ADARB2: variants seen among roughly 807,000 people sequenced by gnomAD.
ADARB2 encodes adenosine deaminase RNA specific B2 (inactive), also known as inactive double-stranded RNA-specific editase B2.
A neutral mutation model predicts 62.2 loss-of-function variants in ADARB2; 25 were observed. The observed-to-expected ratio is 0.40, with a 90% confidence interval of 0.29 to 0.56. The LOEUF (loss-of-function observed/expected upper bound fraction) is 0.56, where lower values mean the gene tolerates loss of function less well. Ranked by LOEUF, ADARB2 falls within the 20% of genes least tolerant of loss-of-function variation. The pLI is 0.43. For missense variants in ADARB2, 1,071 were observed against 1,077.4 expected (o/e 0.99, Z 0.08); for synonymous variants, 572 against 500.8 (o/e 1.14, Z -1.90).
intron 1 of ADARB2, among the ~76,000 whole-genome samples, chr10:1,650,673 G>A (rs569335561): frequency 9.5e-4 from 145 of 152,304 alleles, no homozygotes; most frequent in African/African-American, 3.3e-3. Flanking sequence ...TCCACCGACC[G>A]TCCACGAGGT....
intron 1 of ADARB2, among the ~76,000 whole-genome samples, chr10:1,588,574 G>A (rs1183331405): frequency 1.3e-5 from 2 of 152,258 alleles, no homozygotes; most frequent in African/African-American, 2.4e-5. Context: ...ACCCTTCTGC[G>A]GCTGGAACAT....
chr10:1,630,410 G>A (rs1833828203), intron 1 of ADARB2, among the ~76,000 whole-genome samples: 1 of 152,152 alleles, frequency 6.6e-6, no homozygotes, highest in South Asian at 2.1e-4. Flanking sequence ...CTGGGTACCA[G>A]CCTGTTCTCA....
chr10:1,397,595 A>C (rs1302195169), intron 1 of ADARB2, among the ~76,000 whole-genome samples: 1 of 18,358 alleles, frequency 5.4e-5, no homozygotes, highest in Non-Finnish European at 9.6e-5. Context: ...GGTCACCATC[A>C]GCCTCTCCCC....
At chr10:1,688,599 C>T (rs1453592081) in intron 1 of ADARB2, among the ~76,000 whole-genome samples, 2 of 152,190 alleles carry the variant, frequency 1.3e-5, no homozygotes, top group African/African-American at 4.8e-5. Context: ...CCCTCCCCGC[C>T]CCCCGCCTGG....
intron 4 of ADARB2, among the ~76,000 whole-genome samples, chr10:1,259,254 GC>G (rs1464238816): frequency 6.6e-6 from 1 of 152,126 alleles, no homozygotes; most frequent in Admixed American, 6.5e-5. Context: ...ACAAGCAAGA[GC>G]AAACACATTC....
At chr10:1,233,930 G>T in intron 5 of ADARB2, 85 bp from the exon 6 acceptor site, 47 of 1,068,994 alleles carry the variant, frequency 4.4e-5, no homozygotes, top group Middle Eastern at 2.5e-4. Flanking sequence ...GTCCTGTTTT[G>T]TAGAGTTGTT....
At chr10:1,673,750 C>A (rs1171853156) in intron 1 of ADARB2, among the ~76,000 whole-genome samples, 1 of 152,228 alleles carries the variant, frequency 6.6e-6, no homozygotes, top group African/African-American at 2.4e-5. Flanking sequence ...GCCTTCAGGG[C>A]TGAGGCCGTG....
intron 1 of ADARB2, among the ~76,000 whole-genome samples, chr10:1,419,436 A>G (rs1832834748): frequency 6.6e-6 from 1 of 152,190 alleles, no homozygotes. Context: ...TTACTATCAA[A>G]CACTTTAAAA....
chr10:1,268,086 G>A (rs572686984), intron 4 of ADARB2, among the ~76,000 whole-genome samples: 1 of 152,218 alleles, frequency 6.6e-6, no homozygotes, highest in South Asian at 2.1e-4. Flanking sequence ...AGAAATAAAG[G>A]TTTATCTATA....
At chr10:1,271,203 C>T in intron 3 of ADARB2, 134 bp from the exon 4 acceptor site, 1 of 673,040 alleles carries the variant, frequency 1.5e-6, no homozygotes, top group Non-Finnish European at 2.6e-6. Context: ...CCCCTCCTCA[C>T]AGCCTTGTCA....
intron 3 of ADARB2, among the ~76,000 whole-genome samples, chr10:1,362,443 G>T (rs1832266853): frequency 6.6e-6 from 1 of 152,238 alleles, no homozygotes. Context: ...TTGAGAACAT[G>T]TCTGGAGTGA....
intron 1 of ADARB2, among the ~76,000 whole-genome samples, chr10:1,485,532 G>A (rs567445373): frequency 1.6e-4 from 25 of 152,252 alleles, no homozygotes; most frequent in South Asian, 8.3e-4. Context: ...GTCTCTGGCC[G>A]CTGCCCACTT....
rs1488568232 is a variant in ADARB2 at position 1,179,065 on chromosome 10, CT to C, written c.*4127del. ...TCTACTTTATGTACGTCTCAAATGTCTTCAGTTGTTTTAAACAATACACTAT... is the reference window on the plus strand; with the variant it reads ...TCTACTTTATGTACGTCTCAAATGTCTCAGTTGTTTTAAACAATACACTAT... On this transcript the variant is annotated 3_prime_UTR_variant, in exon 10 of 10. Coordinates refer to ENST00000381312, the MANE Select transcript of ADARB2 (RefSeq NM_018702.4). 1 of 152,176 alleles carries C rather than the reference CT, an allele frequency of 6.6e-6. No individual in the cohort carries two copies. Among genetic ancestry groups the C allele is most frequent in the Non-Finnish European group, 1.5e-5 (1 of 68,026 alleles). The allele number at this position is 152,176 out of a possible 1,614,324, so 9.4% of individuals were successfully genotyped here. A position where few individuals can be genotyped will look rare whatever the true frequency, so the allele number is the denominator to read the frequency against.
At chr10:1,736,577 C>G (rs1174344357) in intron 1 of ADARB2, among the ~76,000 whole-genome samples, 1 of 152,260 alleles carries the variant, frequency 6.6e-6, no homozygotes, top group Non-Finnish European at 1.5e-5. Flanking sequence ...AAACTGCCAG[C>G]CAATTTGGAG....
intron 3 of ADARB2, among the ~76,000 whole-genome samples, chr10:1,282,030 T>C (rs749935920): frequency 6.6e-6 from 1 of 152,228 alleles, no homozygotes; most frequent in Non-Finnish European, 1.5e-5. Context: ...TGATTTCCCA[T>C]GACGGCTTCA....
chr10:1,312,960 A>G (rs1831705861), intron 3 of ADARB2, among the ~76,000 whole-genome samples: 1 of 152,138 alleles, frequency 6.6e-6, no homozygotes, highest in Non-Finnish European at 1.5e-5. Context: ...GGGCGGCAGG[A>G]GAGGGGTGGG....
chr10:1,540,353 C>T lies in ADARB2; in HGVS notation c.101-161193G>A, dbSNP rs535790408. Among the ~76,000 whole-genome samples the T allele has an allele frequency of 6.6e-4, 92 of 139,284 alleles. 2 individuals carry two copies. The South Asian group carries it at 0.018, about 28-fold the overall frequency. The allele number at this position is 139,284 out of a possible 152,430, so 91.4% of individuals were successfully genotyped here. On this transcript the variant is annotated intron_variant, in intron 1 of 9. Coordinates refer to ENST00000381312, the MANE Select transcript of ADARB2 (RefSeq NM_018702.4). The stretch of plus-strand genomic sequence containing the variant: ...CGAGGGCACGTCAGGCAACAGCCCC[C>T]GCCCTCCTGGTCTGGCTGCCTCAAG...
intron 1 of ADARB2, among the ~76,000 whole-genome samples, chr10:1,488,225 GA>G (rs71379134): frequency 0.27 from 39,717 of 145,784 alleles, 6,265 homozygotes; most frequent in Middle Eastern, 0.37. Flanking sequence ...ATTTGGCAAA[GA>G]AAAAAAAAAA....
chr10:1,401,679 C>T (rs988712973), intron 1 of ADARB2, among the ~76,000 whole-genome samples: 6 of 152,118 alleles, frequency 3.9e-5, no homozygotes, highest in Admixed American at 1.3e-4. Context: ...GGCGGCTTCA[C>T]GGCGGTTTGG....
Sources: allele counts gnomAD v4.1 joint callset (sites outside exome capture counted in the v4.1 genomes callset), GRCh38; gene constraint gnomAD v4.1.1; transcripts MANE v1.5; gene names NCBI Gene and HGNC (gene_info 2026-07-23, HGNC 2026-07-21).